Variants in RYR2 observed in about 807,000 individuals in gnomAD.
RYR2 encodes cardiac muscle ryanodine receptor-calcium release channel.
RYR2 carries 227 observed loss-of-function variants against 601.1 expected under a neutral mutation model. That is an observed-to-expected ratio of 0.38 (90% confidence interval 0.34 to 0.42). The LOEUF is 0.42. RYR2 is among the 10% of genes least tolerant of loss of function. RYR2 has a pLI of 1.00. For synonymous variants in RYR2, 2,223 were observed against 2,175.1 expected (o/e 1.02, Z -0.61); for missense variants, 4,646 against 6,156.5 (o/e 0.75, Z 8.21).
chr1:237,657,780 A>G (rs1683394895), intron 53 of RYR2, among the ~76,000 whole-genome samples, 164 bp from the exon 54 acceptor site: 1 of 151,976 alleles, frequency 6.6e-6, no homozygotes, highest in African/African-American at 2.4e-5. Flanking sequence ...GACTTTTCTT[A>G]TATTGTTGTG....
chr1:237,384,444 G>A (rs558374869), intron 8 of RYR2, among the ~76,000 whole-genome samples: 10 of 152,226 alleles, frequency 6.6e-5, no homozygotes, highest in East Asian at 5.8e-4. Flanking sequence ...GTATGTCCCC[G>A]TATCTCCACC....
At chr1:237,606,492 C>G (rs1677139196) in intron 35 of RYR2, among the ~76,000 whole-genome samples, 1 of 152,198 alleles carries the variant, frequency 6.6e-6, no homozygotes, top group Non-Finnish European at 1.5e-5. Flanking sequence ...CAATACCATT[C>G]AGGACATAGG....
intron 1 of RYR2, among the ~76,000 whole-genome samples, chr1:237,098,492 C>G (rs1667728612): frequency 6.6e-6 from 1 of 151,624 alleles, no homozygotes. Flanking sequence ...AACATGCTGT[C>G]CATTATTCAC....
chr1:237,398,208 C>G lies in RYR2; in HGVS notation c.773+10025C>G, dbSNP rs566591381. ...CAGGTTTCTCTGGGGTCCTCTCAGC[C>G]AAGAGAGGAACTGCTCAGTCAGTTG... is the stretch of plus-strand genomic sequence containing the variant. On this transcript the variant is annotated intron_variant, in intron 10 of 104. Coordinates refer to ENST00000366574, the MANE Select transcript of RYR2 (RefSeq NM_001035.3). Among the ~76,000 whole-genome samples the G allele has an allele frequency of 2.3e-4, 35 of 152,226 alleles. No homozygotes were observed. In the South Asian group the frequency reaches 2.7e-3, roughly 12 times the overall value.
intron 1 of RYR2, among the ~76,000 whole-genome samples, chr1:237,255,289 G>A (rs768021229): frequency 6.6e-5 from 10 of 152,134 alleles, no homozygotes; most frequent in South Asian, 2.1e-4. Flanking sequence ...TCTGAAATAT[G>A]TCCAGTCTTT....
intron 24 of RYR2, among the ~76,000 whole-genome samples, chr1:237,528,986 G>A (rs148155902): frequency 2.3e-3 from 343 of 152,132 alleles, no homozygotes; most frequent in Admixed American, 4.1e-3. Flanking sequence ...AGCTGGGTTG[G>A]ACATCCCTCT....
At chr1:237,154,175 G>A (rs1675046943) in intron 1 of RYR2, among the ~76,000 whole-genome samples, 1 of 152,174 alleles carries the variant, frequency 6.6e-6, no homozygotes, top group African/African-American at 2.4e-5. Flanking sequence ...GAGTTATGTA[G>A]TTTTTATGCA....
intron 66 of RYR2, among the ~76,000 whole-genome samples, chr1:237,703,317 G>A (rs954423746): frequency 2.0e-5 from 3 of 151,512 alleles, no homozygotes; most frequent in Non-Finnish European, 4.4e-5. Flanking sequence ...GTATGTGATA[G>A]TGAAAATATA....
intron 1 of RYR2, among the ~76,000 whole-genome samples, chr1:237,249,560 T>G (rs991000290): frequency 6.6e-6 from 1 of 152,080 alleles, no homozygotes; most frequent in Non-Finnish European, 1.5e-5. Context: ...TTTTTATTTT[T>G]TAATAAATGA....
chr1:237,363,022 A>G (rs375430636), intron 4 of RYR2, among the ~76,000 whole-genome samples: 2 of 152,014 alleles, frequency 1.3e-5, no homozygotes, highest in African/African-American at 4.8e-5. Flanking sequence ...TTCAACTTAG[A>G]TACCTGACAA....
chr1:237,332,732 C>T (rs148740180), intron 3 of RYR2, among the ~76,000 whole-genome samples: 120 of 152,158 alleles, frequency 7.9e-4, no homozygotes, highest in African/African-American at 2.6e-3. Context: ...TGTTAAGTTG[C>T]GTTTTTTAAA....
At chr1:237,789,226 A>G (rs1341870) in intron 92 of RYR2, among the ~76,000 whole-genome samples, 71,602 of 151,748 alleles carry the variant, frequency 0.47, 17,924 homozygotes, top group East Asian at 0.75. Context: ...TTAGCCCTTG[A>G]GAAATCAAAA....
intron 1 of RYR2, among the ~76,000 whole-genome samples, chr1:237,209,006 G>T (rs2149084422): frequency 7.9e-6 from 1 of 126,524 alleles, no homozygotes; most frequent in Admixed American, 8.7e-5. Context: ...ATTGAACTAT[G>T]ATTCAGCCAT....
At chr1:237,206,056 C>CGGG (rs1681777855) in intron 1 of RYR2, among the ~76,000 whole-genome samples, 1 of 152,208 alleles carries the variant, frequency 6.6e-6, no homozygotes, top group Non-Finnish European at 1.5e-5. Context: ...GCGGGTGCTC[C>CGGG]AGGAGCTCCG....
At chr1:237,219,615 G>T (rs1683578838) in intron 1 of RYR2, among the ~76,000 whole-genome samples, 1 of 152,170 alleles carries the variant, frequency 6.6e-6, no homozygotes, top group African/African-American at 2.4e-5. Context: ...CTGTGTTGGG[G>T]AGGAATGAGT....
Position 237,042,461 on chromosome 1 carries a change from C to A in RYR2, c.-61C>A, listed in dbSNP as rs915031532. On this transcript the variant is annotated 5_prime_UTR_variant, in exon 1 of 105. Transcript: ENST00000366574. The stretch of plus-strand genomic sequence containing the variant: ...AGAAGCAGAAGGCAGCGCCAGGGGC[C>A]GCCGCCGCCGCCGAGCTCCGCGGGG... The A allele has an allele frequency of 8.3e-7, 1 of 1,210,980 alleles. No individual in the cohort carries two copies. The highest frequency in any genetic ancestry group is 4.3e-5 in the Admixed American group (1 of 23,112). 75.0% of individuals were successfully genotyped at this position (1,210,980 alleles called of 1,614,324 possible). A position where few individuals can be genotyped will look rare whatever the true frequency, so the allele number is the denominator to read the frequency against.
At chr1:237,559,242 T>C (rs1299393322) in intron 27 of RYR2, among the ~76,000 whole-genome samples, 1 of 152,170 alleles carries the variant, frequency 6.6e-6, no homozygotes, top group African/African-American at 2.4e-5. Flanking sequence ...AATGTCCAAA[T>C]GTTGCTAAGA....
chr1:237,458,353 C>T (rs559042872), intron 16 of RYR2, among the ~76,000 whole-genome samples: 44 of 152,208 alleles, frequency 2.9e-4, no homozygotes, highest in Non-Finnish European at 4.6e-4. Context: ...CATTTGAACC[C>T]GGGAAGCAGA....
intron 14 of RYR2, among the ~76,000 whole-genome samples, chr1:237,446,523 T>C (rs1708351490): frequency 6.7e-6 from 1 of 149,792 alleles, no homozygotes; most frequent in Admixed American, 6.8e-5. Context: ...TTGAAAGGAT[T>C]TTTGTAGTAG....
Sources: allele counts gnomAD v4.1 joint callset (sites outside exome capture counted in the v4.1 genomes callset), GRCh38; gene constraint gnomAD v4.1.1; transcripts MANE v1.5; gene names NCBI Gene and HGNC (gene_info 2026-07-23, HGNC 2026-07-21).